Variants in OR51B5 observed in about 807,000 individuals in gnomAD.
OR51B5 encodes the protein olfactory receptor family 51 subfamily B member 5, also known as olfactory receptor 51B5.
For synonymous variants in OR51B5, 186 were observed against 144.8 expected, an observed-to-expected ratio of 1.28 and a Z score of -2.04; for missense variants, 456 against 374.6, an observed-to-expected ratio of 1.22 and a Z score of -1.79.
rs1278485670 is a variant in OR51B5, at chr11:5,397,936, CAAA to C, written n.85-51029_85-51027del. 4.6e-3 allele frequency among the ~76,000 whole-genome samples: 504 copies of C among 108,882 alleles called. 5 individuals carry two copies. Among genetic ancestry groups the C allele is most frequent in the African/African-American group, 0.022 (479 of 21,792 alleles). 71.4% of individuals were successfully genotyped at this position (108,882 alleles called of 152,430 possible). A position where few individuals can be genotyped will look rare whatever the true frequency, so the allele number is the denominator to read the frequency against. ...TGAAGCTGGAAACCATCATTCTCAG[CAAA>C]CTATCACAAGGACAAAAAGCCAAAC... On this transcript the variant is annotated intron_variant and non_coding_transcript_variant, in intron 1 of 4. Transcript: ENST00000415970.
chr11:5,438,428 G>A (rs1274268917), intron 1 of OR51B5, among the ~76,000 whole-genome samples: 5 of 151,130 alleles, frequency 3.3e-5, no homozygotes, highest in African/African-American at 7.3e-5. Flanking sequence ...TCTGAATTCC[G>A]AGCTTAAAAC....
chr11:5,463,537 A>C (rs373830512), intron 1 of OR51B5, among the ~76,000 whole-genome samples: 11 of 152,186 alleles, frequency 7.2e-5, no homozygotes, highest in East Asian at 3.8e-4. Context: ...TTTCGTCACT[A>C]TCTTTTACTC....
intron 1 of OR51B5, among the ~76,000 whole-genome samples, chr11:5,361,535 A>G (rs1849283591): frequency 6.6e-6 from 1 of 152,180 alleles, no homozygotes; most frequent in Non-Finnish European, 1.5e-5. Context: ...CTTGGCCTAG[A>G]GGCTCCGCAT....
chr11:5,411,998 AACTACGG>A (rs1850155390), intron 1 of OR51B5, among the ~76,000 whole-genome samples: 1 of 152,220 alleles, frequency 6.6e-6, no homozygotes, highest in Non-Finnish European at 1.5e-5. Flanking sequence ...CAGATTTCTG[AACTACGG>A]ACTCTAAGAT....
At chr11:5,385,309 T>C (rs1849670163) in intron 1 of OR51B5, 1 of 152,186 alleles carries the variant, frequency 6.6e-6, no homozygotes, top group Non-Finnish European at 1.5e-5. Flanking sequence ...GGAAGTATAC[T>C]TTCCAAGAGA....
At chr11:5,450,111 A>G (rs1455721382) in intron 1 of OR51B5, among the ~76,000 whole-genome samples, 1 of 152,172 alleles carries the variant, frequency 6.6e-6, no homozygotes, top group Non-Finnish European at 1.5e-5. Context: ...GACATACACC[A>G]GGCGTGGTGG....
chr11:5,349,361 T>G (rs1487512907), intron 1 of OR51B5, among the ~76,000 whole-genome samples: 6 of 152,136 alleles, frequency 3.9e-5, no homozygotes, highest in Non-Finnish European at 8.8e-5. Flanking sequence ...TTCCATACAT[T>G]TGTTTCTCAG....
chr11:5,484,757 G>T (rs935896930), intron 1 of OR51B5, among the ~76,000 whole-genome samples: 2 of 152,192 alleles, frequency 1.3e-5, no homozygotes, highest in African/African-American at 2.4e-5. Context: ...CTGGGCCTTG[G>T]CCCTTGTCTT....
At chr11:5,452,362 C>T (rs1407581085) in intron 1 of OR51B5, among the ~76,000 whole-genome samples, 4 of 151,690 alleles carry the variant, frequency 2.6e-5, no homozygotes, top group African/African-American at 2.4e-5. Context: ...AAAAATTAGC[C>T]GGGCATGGTG....
intron 1 of OR51B5, among the ~76,000 whole-genome samples, chr11:5,350,318 T>A (rs1287557943): frequency 1.3e-5 from 2 of 152,216 alleles, no homozygotes; most frequent in African/African-American, 4.8e-5. Flanking sequence ...AAAATGAAAG[T>A]CCAGTAATCT....
At chr11:5,397,276 A>C (rs754741266) in intron 1 of OR51B5, among the ~76,000 whole-genome samples, 24,323 of 151,970 alleles carry the variant, frequency 0.16, 2,388 homozygotes, top group African/African-American at 0.29. Flanking sequence ...CAACCTACAC[A>C]ATGGGAGAAA....
intron 1 of OR51B5, among the ~76,000 whole-genome samples, chr11:5,380,713 T>C (rs2133717812): frequency 6.6e-6 from 1 of 152,270 alleles, no homozygotes; most frequent in Middle Eastern, 3.4e-3. Flanking sequence ...AATTTTAGTT[T>C]TTATGTGTTT....
chr11:5,345,581 T>C (rs565271703), upstream of OR51B5, among the ~76,000 whole-genome samples: 18 of 152,290 alleles, frequency 1.2e-4, no homozygotes, highest in East Asian at 3.3e-3. Context: ...TCAAGAGTCA[T>C]TAGTAAATAT....
In OR51B5 at chr11:5,492,599, G is replaced by A. The variant is rs11037779; in HGVS notation, n.84+12970C>T. Among the ~76,000 whole-genome samples the A allele has an allele frequency of 8.1e-3, 1,237 of 152,270 alleles. 14 individuals carry two copies. Among genetic ancestry groups the A allele is most frequent in the African/African-American group, 0.028 (1,154 of 41,540 alleles). On this transcript the variant is annotated intron_variant and non_coding_transcript_variant, in intron 1 of 4. Coordinates refer to the OR51B5 transcript ENST00000415970. ...TTCACCTGTTCCAAGGGAATTGATTGATTCTGACTACAGAGCAGCATAGAG... is the reference window on the plus strand; with the variant it reads ...TTCACCTGTTCCAAGGGAATTGATTAATTCTGACTACAGAGCAGCATAGAG...
intron 1 of OR51B5, among the ~76,000 whole-genome samples, chr11:5,479,676 G>A (rs1851383366): frequency 6.6e-6 from 1 of 151,324 alleles, no homozygotes; most frequent in Non-Finnish European, 1.5e-5. Flanking sequence ...GATCTACCAA[G>A]CAAATGGAAA....
At chr11:5,462,162 G>A (rs571509720) in intron 1 of OR51B5, among the ~76,000 whole-genome samples, 9 of 152,132 alleles carry the variant, frequency 5.9e-5, no homozygotes, top group South Asian at 2.1e-4. Flanking sequence ...TATGTTTCTC[G>A]TCCTCCAGGG....
At chr11:5,481,538 G>C (rs1216504277) in intron 1 of OR51B5, among the ~76,000 whole-genome samples, 1 of 149,314 alleles carries the variant, frequency 6.7e-6, no homozygotes, top group East Asian at 2.0e-4. Flanking sequence ...GAAATAAAGG[G>C]TATTCAAGCA....
intron 1 of OR51B5, among the ~76,000 whole-genome samples, chr11:5,473,441 G>C (rs1213049023): frequency 6.6e-6 from 1 of 152,180 alleles, no homozygotes; most frequent in African/African-American, 2.4e-5. Context: ...TAAAGAGTTA[G>C]AAATTGTACA....
intron 1 of OR51B5, among the ~76,000 whole-genome samples, chr11:5,368,390 A>G (rs1352785008): frequency 6.6e-6 from 1 of 152,164 alleles, no homozygotes; most frequent in Admixed American, 6.5e-5. Context: ...AATTATTTTA[A>G]TGATTAAATA....
Sources: allele counts gnomAD v4.1 joint callset (sites outside exome capture counted in the v4.1 genomes callset), GRCh38; gene constraint gnomAD v4.1.1; transcripts MANE v1.5; gene names NCBI Gene and HGNC (gene_info 2026-07-23, HGNC 2026-07-21).